CFAP299: variants seen among roughly 807,000 people sequenced by gnomAD.
CFAP299 encodes the protein cilia and flagella associated protein 299, also known as cilia- and flagella-associated protein 299.
CFAP299 carries 21 observed loss-of-function variants against 27.0 expected under a neutral mutation model. The observed-to-expected ratio is 0.78, with a 90% CI of 0.55 to 1.12. The LOEUF (loss-of-function observed/expected upper bound fraction) is 1.12, where lower values mean the gene tolerates loss of function less well. Ranked by LOEUF, CFAP299 falls within the 50% of genes most tolerant of loss-of-function variation. The pLI is 0.00. For missense variants in CFAP299, 310 were observed against 276.6 expected (o/e 1.12, Z -0.86); for synonymous variants, 104 against 98.1 (o/e 1.06, Z -0.36).
At chr4:80,778,986 C>T (rs1726717847) in intron 3 of CFAP299, among the ~76,000 whole-genome samples, 1 of 152,038 alleles carries the variant, frequency 6.6e-6, no homozygotes, top group African/African-American at 2.4e-5. Flanking sequence ...AAAATAATAG[C>T]TAACATGTAT....
chr4:80,889,997 G>C (rs750333794), intron 4 of CFAP299, among the ~76,000 whole-genome samples: 38 of 152,074 alleles, frequency 2.5e-4, no homozygotes, highest in Non-Finnish European at 4.7e-4. Flanking sequence ...ACCCATATAT[G>C]TCAGATCCAC....
At chr4:80,567,268 G>C (rs1020073385) in intron 2 of CFAP299, among the ~76,000 whole-genome samples, 1 of 151,976 alleles carries the variant, frequency 6.6e-6, no homozygotes, top group East Asian at 1.9e-4. Flanking sequence ...AAAAAAAGAC[G>C]GGGAAAGTGA....
At position 80,866,979 on chromosome 4, in the gene CFAP299, G is replaced by A. The variant is rs149067659; in HGVS notation, c.334-3014G>A. On this transcript the variant is annotated intron_variant, in intron 3 of 5. Coordinates refer to ENST00000358105, the MANE Select transcript of CFAP299 (RefSeq NM_152770.3). ...CTTATGATAAACACCAAGACTTCAC[G>A]TTTGTTTTCAAGTTCTTTAAATCGA... Among the ~76,000 whole-genome samples the A allele has an allele frequency of 4.1e-3, 629 of 152,126 alleles. 1 individual carries two copies. The highest frequency in any genetic ancestry group is 6.8e-3 in the Middle Eastern group (2 of 292).
chr4:80,922,677 ACT>A (rs929396301), intron 4 of CFAP299, among the ~76,000 whole-genome samples: 2 of 151,640 alleles, frequency 1.3e-5, no homozygotes, highest in African/African-American at 4.8e-5. Context: ...AAAAAGAAGC[ACT>A]CTTTCTTTTT....
chr4:80,587,402 G>C (rs557957876), intron 3 of CFAP299, among the ~76,000 whole-genome samples: 29 of 152,204 alleles, frequency 1.9e-4, no homozygotes, highest in African/African-American at 7.0e-4. Context: ...AGGTTATGGA[G>C]TCATCTTATC....
intron 3 of CFAP299, among the ~76,000 whole-genome samples, chr4:80,781,886 G>A (rs1726901814): frequency 1.3e-5 from 2 of 151,934 alleles, no homozygotes; most frequent in Admixed American, 1.3e-4. Flanking sequence ...TCCAGCACAT[G>A]GGCTCTGGAA....
chr4:80,510,118 T>C (rs1002356622), intron 2 of CFAP299, among the ~76,000 whole-genome samples: 2 of 152,320 alleles, frequency 1.3e-5, no homozygotes, highest in African/African-American at 4.8e-5. Flanking sequence ...CAAAATGATA[T>C]GGGAAGCCTT....
chr4:80,640,275 A>C (rs896033962), intron 3 of CFAP299, among the ~76,000 whole-genome samples: 1 of 152,148 alleles, frequency 6.6e-6, no homozygotes, highest in Non-Finnish European at 1.5e-5. Flanking sequence ...TGGCTAGAAT[A>C]CTAGAGGCAT....
chr4:80,848,716 C>T (rs2110145743), intron 3 of CFAP299, among the ~76,000 whole-genome samples: 1 of 152,244 alleles, frequency 6.6e-6, no homozygotes, highest in Admixed American at 6.5e-5. Context: ...GTCAAGGCTG[C>T]TGTAAGCCAT....
intron 3 of CFAP299, among the ~76,000 whole-genome samples, chr4:80,674,359 T>A (rs1201200934): frequency 7.9e-5 from 12 of 152,244 alleles, no homozygotes; most frequent in Admixed American, 7.9e-4. Context: ...CCCCACTCTC[T>A]TCTGGCTTAT....
chr4:80,787,728 G>A (rs151290305), intron 3 of CFAP299, among the ~76,000 whole-genome samples: 3 of 152,068 alleles, frequency 2.0e-5, no homozygotes, highest in East Asian at 3.9e-4. Context: ...AGGCATATGG[G>A]TAGACTACAG....
At chr4:80,503,283 A>G (rs1024388294) in intron 2 of CFAP299, among the ~76,000 whole-genome samples, 1 of 152,016 alleles carries the variant, frequency 6.6e-6, no homozygotes, top group Non-Finnish European at 1.5e-5. Flanking sequence ...TTTGGTACAT[A>G]TATTATAAGT....
At chr4:80,776,904 C>A (rs1402136739) in intron 3 of CFAP299, among the ~76,000 whole-genome samples, 1 of 150,424 alleles carries the variant, frequency 6.6e-6, no homozygotes, top group Non-Finnish European at 1.5e-5. Flanking sequence ...TGGGACAACA[C>A]AGTCTTATTC....
intron 3 of CFAP299, among the ~76,000 whole-genome samples, chr4:80,598,477 T>G (rs545840465): frequency 6.6e-6 from 1 of 152,322 alleles, no homozygotes; most frequent in African/African-American, 2.4e-5. Context: ...TAACTACTAC[T>G]AGAATTGATT....
At chr4:80,850,600 A>G (rs370658961) in intron 3 of CFAP299, among the ~76,000 whole-genome samples, 3 of 152,016 alleles carry the variant, frequency 2.0e-5, no homozygotes, top group African/African-American at 7.2e-5. Flanking sequence ...TGTAAGGGAG[A>G]GGTGAGAGTG....
chr4:80,378,659 TG>T (rs1157658974), intron 2 of CFAP299, among the ~76,000 whole-genome samples: 7 of 152,140 alleles, frequency 4.6e-5, no homozygotes, highest in Non-Finnish European at 5.9e-5. Flanking sequence ...TTCTGTTGAT[TG>T]AAACAATCTT....
At chr4:80,574,283 G>T (rs911676750) in intron 2 of CFAP299, among the ~76,000 whole-genome samples, 1 of 152,060 alleles carries the variant, frequency 6.6e-6, no homozygotes, top group Non-Finnish European at 1.5e-5. Flanking sequence ...AAATGCTACT[G>T]ATTTATCTAT....
At chr4:80,915,742 T>C (rs1301689871) in intron 4 of CFAP299, among the ~76,000 whole-genome samples, 1 of 152,062 alleles carries the variant, frequency 6.6e-6, no homozygotes, top group African/African-American at 2.4e-5. Flanking sequence ...TTTTTTTCCT[T>C]GAGCAGTGTC....
At chr4:80,790,474 A>G (rs1025073866) in intron 3 of CFAP299, 2 of 152,054 alleles carry the variant, frequency 1.3e-5, no homozygotes, top group African/African-American at 2.4e-5. Context: ...TGATAGTATT[A>G]GGAGGTGAGG....
Sources: gnomAD v4.1 joint callset for allele counts (sites outside exome capture counted in the v4.1 genomes callset) on GRCh38, gnomAD v4.1.1 for gene constraint, MANE v1.5 for transcripts, NCBI Gene and HGNC (gene_info 2026-07-23, HGNC 2026-07-21) for gene names.